CHM: variants seen among roughly 807,000 people sequenced by gnomAD.
CHM encodes CHM Rab escort protein.
Under a neutral mutation model 49.0 loss-of-function variants are expected in CHM, and 10 were observed. The ratio of observed to expected loss-of-function variants is 0.20; its 90% confidence interval spans 0.13 to 0.35. The LOEUF is 0.35. Among genes scored for constraint, CHM ranks in the 10% least tolerant of loss-of-function variants. The pLI is 1.00. For synonymous variants in CHM, 184 were observed against 167.5 expected (o/e 1.10, Z -0.76); for missense variants, 455 against 478.4 (o/e 0.95, Z 0.46).
chrX:85,955,737 A>C (rs775681493), intron 8 of CHM, among the ~76,000 whole-genome samples: 2 of 112,220 alleles, frequency 1.8e-5, no homozygotes, highest in Non-Finnish European at 3.8e-5. Context: ...TTCCGAGAGA[A>C]ATTCTTGAAC....
At chrX:86,016,201 G>A (rs5922208) in intron 2 of CHM, among the ~76,000 whole-genome samples, 1,322 of 111,171 alleles carry the variant, frequency 0.012, 7 homozygotes, top group Middle Eastern at 0.033. Context: ...AAGGGAAGCA[G>A]GGCATAAAAG....
chrX:86,025,645 ATAGTC>A (rs1177474481), intron 2 of CHM, among the ~76,000 whole-genome samples: 1 of 105,528 alleles, frequency 9.5e-6, no homozygotes, highest in Non-Finnish European at 2.0e-5. Flanking sequence ...CCACTGTACT[ATAGTC>A]TAGGCAACAG....
At chrX:85,885,138 T>C (rs1358277379) in intron 12 of CHM, among the ~76,000 whole-genome samples, 1 of 110,394 alleles carries the variant, frequency 9.1e-6, no homozygotes, top group East Asian at 2.8e-4. Flanking sequence ...GAAGTAAAGA[T>C]AAAATGAGTA....
chrX:85,990,316 G>C (rs1932119330), intron 2 of CHM, among the ~76,000 whole-genome samples: 1 of 111,584 alleles, frequency 9.0e-6, no homozygotes, highest in Admixed American at 9.5e-5. Context: ...AAGAAGGCAA[G>C]AGCAAACACT....
chrX:85,898,368 G>T (rs949288566), intron 11 of CHM, among the ~76,000 whole-genome samples: 1 of 111,488 alleles, frequency 9.0e-6, no homozygotes, highest in African/African-American at 3.3e-5. Context: ...CAACATTTTT[G>T]CCTGTTCTCT....
Position 85,956,231 on chromosome X carries a change from T to C in CHM, c.1088A>G (p.His363Arg). The C allele has an allele frequency of 8.3e-7, 1 of 1,211,038 alleles. No homozygotes were observed. Among genetic ancestry groups the C allele is most frequent in the Non-Finnish European group, 1.1e-6 (1 of 895,280 alleles). ...DGLKATKNFLHCLGRYGNTPF... is the reference protein window; with the variant it reads ...DGLKATKNFLRCLGRYGNTPF... ...AGTGTTGCCATACCGCCCAAGACAG[T>C]GAAGAAAGTTTTTGGTAGCTTTGAG... Residue 363 changes from histidine (H) to arginine (R), a missense_variant, in exon 8 of 15, where the codon CAC (histidine) becomes CGC (arginine). By Grantham distance (29) the His-to-Arg change is conservative. Transcript: ENST00000357749.
In CHM at chrX:85,878,860, T is replaced by C. The variant is rs1360373551; in HGVS notation, c.1609+105A>G. 8.9e-6 allele frequency: 5 copies of C among 563,981 alleles called. No individual in the cohort carries two copies. In the Admixed American group the frequency reaches 1.4e-4, roughly 16 times the overall value. 46.5% of individuals were successfully genotyped at this position (563,981 alleles called of 1,213,427 possible). ...TCAAAACATGTGAATTGTTGTTGAATACATCCCATTTCAGTTCAGGTTGCA... is the reference window on the plus strand; with the variant it reads ...TCAAAACATGTGAATTGTTGTTGAACACATCCCATTTCAGTTCAGGTTGCA... On this transcript the variant is annotated intron_variant, in intron 13 of 14. Coordinates refer to ENST00000357749, the MANE Select transcript of CHM (RefSeq NM_000390.4).
chrX:86,005,839 G>C (rs5923425), intron 2 of CHM, among the ~76,000 whole-genome samples: 397 of 111,861 alleles, frequency 3.5e-3, no homozygotes, highest in Non-Finnish European at 5.7e-3. Context: ...GAGGTACAAA[G>C]AGGAGCTGGT....
intron 8 of CHM, among the ~76,000 whole-genome samples, chrX:85,913,313 C>CAAAAAAA (rs1169192160): frequency 1.2e-4 from 1 of 8,056 alleles, no homozygotes; most frequent in African/African-American, 3.9e-4. Context: ...AAGACTCTGT[C>CAAAAAAA]AAAAAAAAAA....
intron 8 of CHM, among the ~76,000 whole-genome samples, chrX:85,949,694 C>T (rs1010534187): frequency 8.2e-5 from 9 of 109,620 alleles, no homozygotes; most frequent in Non-Finnish European, 1.5e-4. Context: ...CCATCATATT[C>T]GGAAATAAGT....
chrX:85,949,778 C>G (rs1391171921), intron 8 of CHM, among the ~76,000 whole-genome samples: 1 of 106,549 alleles, frequency 9.4e-6, no homozygotes, highest in African/African-American at 3.4e-5. Flanking sequence ...TTGAGAATAC[C>G]TACTTCCAGT....
rs375491427 is a variant in CHM at position 85,993,312 on chromosome X, C to G, written c.117-11503G>C. 2.7e-5 allele frequency among the ~76,000 whole-genome samples: 3 copies of G among 111,361 alleles called. No individual in the cohort carries two copies. In the East Asian group the frequency reaches 8.5e-4, roughly 31 times the overall value. On this transcript the variant is annotated intron_variant, in intron 2 of 14. Transcript: ENST00000357749. ...ATAAATGGCAACACCATCCTTACAG[C>G]CTCCTATCCTGAGAAAAAAAAAATC...
At chrX:86,000,673 G>T (rs1331585823) in intron 2 of CHM, among the ~76,000 whole-genome samples, 1 of 111,376 alleles carries the variant, frequency 9.0e-6, no homozygotes, top group African/African-American at 3.3e-5. Context: ...GCCTGAAAAA[G>T]AATTAAGTCC....
intron 12 of CHM, among the ~76,000 whole-genome samples, chrX:85,889,248 A>G (rs1032268779): frequency 2.2e-4 from 25 of 112,511 alleles, no homozygotes; most frequent in African/African-American, 7.7e-4. Flanking sequence ...TGTACCCAGC[A>G]AAAGAAATTA....
chrX:85,976,699 G>A lies in CHM; in HGVS notation c.314+2068C>T, dbSNP rs187408127. Among the ~76,000 whole-genome samples the A allele has an allele frequency of 9.0e-4, 99 of 110,487 alleles. 1 individual carries two copies. The highest frequency in any genetic ancestry group is 3.2e-3 in the African/African-American group (97 of 30,419). On this transcript the variant is annotated intron_variant, in intron 4 of 14. Coordinates refer to ENST00000357749, the MANE Select transcript of CHM (RefSeq NM_000390.4). The stretch of plus-strand genomic sequence containing the variant: ...GCCTAGTCCAAACCCTTCCAAACAC[G>A]TTTCATTAATGGCAAAACATAGACT...
chrX:86,002,286 G>A (rs1476173436), intron 2 of CHM, among the ~76,000 whole-genome samples: 1 of 112,008 alleles, frequency 8.9e-6, no homozygotes, highest in Non-Finnish European at 1.9e-5. Flanking sequence ...AGGAACCAGA[G>A]TGCTCATGGA....
intron 2 of CHM, among the ~76,000 whole-genome samples, chrX:86,014,577 G>A (rs946048894): frequency 8.9e-6 from 1 of 112,867 alleles, no homozygotes; most frequent in East Asian, 2.8e-4. Flanking sequence ...ACACTGCCAG[G>A]ACCAGGCGAG....
Position 85,978,830 on chromosome X carries a change from T to G in CHM, c.251A>C (p.Glu84Ala). 1 of 1,206,510 alleles carries G rather than the reference T, an allele frequency of 8.3e-7. No homozygotes were observed. The highest frequency in any genetic ancestry group is 1.1e-6 in the Non-Finnish European group (1 of 891,172). Reference sequence around the variant, plus strand: ...GTCCTTCCTGCTAAGAGCAATGGCTTCTTCATTTTCAAGGATCTGGTCTTG... The same window carrying G: ...GTCCTTCCTGCTAAGAGCAATGGCTGCTTCATTTTCAAGGATCTGGTCTTG... ...VWQDQILENE[E>A]AIALSRKDKT... Residue 84 changes from glutamate to alanine, a missense_variant, in exon 4 of 15, where the codon GAA becomes GCA. By Grantham distance (107) the Glu-to-Ala change is moderately radical. Coordinates refer to ENST00000357749, the MANE Select transcript of CHM (RefSeq NM_000390.4).
intron 2 of CHM, among the ~76,000 whole-genome samples, chrX:85,982,955 T>G (rs770946586): frequency 9.0e-6 from 1 of 110,533 alleles, no homozygotes; most frequent in Non-Finnish European, 1.9e-5. Context: ...CTGTGCAAAA[T>G]AGCAAGACCC....
Sources: allele counts gnomAD v4.1 joint callset (sites outside exome capture counted in the v4.1 genomes callset), GRCh38; gene constraint gnomAD v4.1.1; transcripts MANE v1.5; gene names NCBI Gene and HGNC (gene_info 2026-07-23, HGNC 2026-07-21).